Variants in PHACTR2 observed in about 807,000 individuals in gnomAD.
PHACTR2 encodes chromosome 6 open reading frame 56.
A neutral mutation model predicts 76.0 loss-of-function variants in PHACTR2; 30 were observed. The observed-to-expected ratio is 0.39, with a 90% CI of 0.30 to 0.54. The LOEUF (loss-of-function observed/expected upper bound fraction) is 0.54. Among genes scored for constraint, PHACTR2 ranks in the 20% least tolerant of loss-of-function variants. The pLI is 0.61. For missense variants in PHACTR2, 696 were observed against 781.1 expected (o/e 0.89, Z 1.30); for synonymous variants, 292 against 292.5 (o/e 1.00, Z 0.02).
intron 1 of PHACTR2, among the ~76,000 whole-genome samples, chr6:143,609,228 C>T (rs147860969): frequency 8.5e-5 from 13 of 152,280 alleles, no homozygotes; most frequent in African/African-American, 3.1e-4. Context: ...GATGGTGAAA[C>T]ATATTTGTTT....
rs1776553994 is a variant in PHACTR2, at chr6:143,827,160, A to ATG, written c.*3472_*3473insGT. Reference sequence around the variant, plus strand: ...GCGTTGGCATTAAAAAAGAAAATATATATATATATATATATATATATATAT... The same window carrying ATG: ...GCGTTGGCATTAAAAAAGAAAATATATGTATATATATATATATATATATATAT... On this transcript the variant is annotated 3_prime_UTR_variant, in exon 13 of 13. Transcript: ENST00000440869. 1 of 25,162 alleles carries ATG rather than the reference A, an allele frequency of 4.0e-5. No individual in the cohort carries two copies. The allele number at this position is 25,162 out of a possible 1,614,324, so 1.6% of individuals were successfully genotyped here.
intron 1 of PHACTR2, 150 bp from the exon 2 acceptor site, chr6:143,711,866 A>G: frequency 1.3e-6 from 1 of 782,630 alleles, no homozygotes; most frequent in Non-Finnish European, 2.3e-6. Flanking sequence ...GGGAAGTCCT[A>G]CCAGCTGTGA....
chr6:143,691,669 G>A lies in PHACTR2; in HGVS notation c.46+13460G>A, dbSNP rs372077685. Reference sequence around the variant, plus strand: ...GAATTTCAACTCGTTGCCTTTTCAAGAAGACCTCTGTGAACTTCATCTGGG... The same window carrying A: ...GAATTTCAACTCGTTGCCTTTTCAAAAAGACCTCTGTGAACTTCATCTGGG... On this transcript the variant is annotated intron_variant, in intron 1 of 12. Coordinates refer to ENST00000440869, the MANE Select transcript of PHACTR2 (RefSeq NM_001100164.2). 1.1e-4 allele frequency among the ~76,000 whole-genome samples: 16 copies of A among 152,292 alleles called. No homozygotes were observed. In the East Asian group the frequency reaches 1.2e-3, roughly 11 times the overall value.
intron 1 of PHACTR2, among the ~76,000 whole-genome samples, chr6:143,668,523 T>C (rs916962714): frequency 1.3e-5 from 2 of 152,216 alleles, no homozygotes; most frequent in Non-Finnish European, 2.9e-5. Flanking sequence ...TTTTGGTTGG[T>C]AGGCTATTAA....
intron 11 of PHACTR2, among the ~76,000 whole-genome samples, chr6:143,792,548 A>T (rs1035830801): frequency 6.6e-6 from 1 of 152,060 alleles, no homozygotes; most frequent in Non-Finnish European, 1.5e-5. Context: ...TTTATATCTT[A>T]CAGATTTTGT....
Position 143,583,357 on chromosome 6 carries a change from T to C in PHACTR2, c.217+46150T>C, listed in dbSNP as rs11965970. Among the ~76,000 whole-genome samples, 45,213 of 152,168 alleles carry C rather than the reference T, an allele frequency of 0.3. 6,811 individuals carry two copies. The highest frequency in any genetic ancestry group is 0.42 in the Middle Eastern group (123 of 294). On this transcript the variant is annotated intron_variant, in intron 1 of 11. Transcript: ENST00000367584. This position sits in a 1 kb window ranked among gnomAD's most constrained non-coding sequence, Gnocchi z 4.0. The stretch of plus-strand genomic sequence containing the variant: ...TCCTCAGATTGTTGCCCAGAACCGT[T>C]TACAATGACAATATGATCCCTTTCT...
Position 143,780,258 on chromosome 6 carries a change from G to A in PHACTR2, c.1645+2875G>A, listed in dbSNP as rs1459761799. Among the ~76,000 whole-genome samples the A allele has an allele frequency of 6.6e-6, 1 of 152,020 alleles. No individual in the cohort carries two copies. The highest frequency in any genetic ancestry group is 1.5e-5 in the Non-Finnish European group (1 of 68,008). On this transcript the variant is annotated intron_variant, in intron 9 of 12. Coordinates refer to ENST00000440869, the MANE Select transcript of PHACTR2 (RefSeq NM_001100164.2). The surrounding 1 kb of genome is among the most constrained non-coding windows in gnomAD (Gnocchi z 4.4). ...TGCTTTATGACATATCTATGCATCT[G>A]TTGATCCAGCTTTTTTTAATGCACT...
chr6:143,551,832 G>C (rs553113712), intron 1 of PHACTR2, among the ~76,000 whole-genome samples: 6 of 152,264 alleles, frequency 3.9e-5, no homozygotes, highest in East Asian at 3.9e-4. Flanking sequence ...TGTAATAATG[G>C]GGGGAGGCTA....
rs1777305969 is a variant in PHACTR2 at position 143,678,452 on chromosome 6, G to GT, written c.46+243_46+244insT. ...TTTTCTGTGCGCGATGCCTCGCTGT[G>GT]GTTTTTTATCCAAATTATTTCGGAG... is the stretch of plus-strand genomic sequence containing the variant. On this transcript the variant is annotated intron_variant, in intron 1 of 12. Transcript: ENST00000440869. This position sits in a 1 kb window ranked among gnomAD's most constrained non-coding sequence, Gnocchi z 6.2. 7.1e-6 allele frequency among the ~76,000 whole-genome samples: 1 copy of GT among 141,256 alleles called. No individual in the cohort carries two copies. The highest frequency in any genetic ancestry group is 1.6e-5 in the Non-Finnish European group (1 of 62,808). 92.7% of individuals were successfully genotyped at this position (141,256 alleles called of 152,430 possible).
chr6:143,618,518 T>G lies in PHACTR2; in HGVS notation c.13+10196T>G, dbSNP rs190417510. ...GTCATGAGCGTCACTTGAGAAGGTG[T>G]CAGTGTCAGAGGGTTTTAAACTCCA... On this transcript the variant is annotated intron_variant, in intron 1 of 11. Coordinates refer to the PHACTR2 transcript ENST00000305766. The surrounding 1 kb of genome is among the most constrained non-coding windows in gnomAD (Gnocchi z 5.2). Among the ~76,000 whole-genome samples the G allele has an allele frequency of 1.4e-4, 22 of 152,134 alleles. No homozygotes were observed. Among genetic ancestry groups the G allele is most frequent in the African/African-American group, 5.3e-4 (22 of 41,508 alleles).
chr6:143,653,879 C>G lies in PHACTR2; in HGVS notation c.13+45557C>G, dbSNP rs1562260318. On this transcript the variant is annotated intron_variant, in intron 1 of 11. Transcript: ENST00000305766. This position sits in a 1 kb window ranked among gnomAD's most constrained non-coding sequence, Gnocchi z 4.9. ...GAAACAATAATAATTTGGACATCAT[C>G]AAACTAAAAATGTTGTGGCTCAAAG... Among the ~76,000 whole-genome samples the G allele has an allele frequency of 2.0e-5, 3 of 152,068 alleles. No individual in the cohort carries two copies. The highest frequency in any genetic ancestry group is 4.4e-5 in the Non-Finnish European group (3 of 68,000).
intron 1 of PHACTR2, among the ~76,000 whole-genome samples, chr6:143,667,921 A>G (rs1445006592): frequency 6.6e-6 from 1 of 152,148 alleles, no homozygotes; most frequent in Non-Finnish European, 1.5e-5. Context: ...TACAATGTTG[A>G]ATAGGAGTGG....
chr6:143,635,099 C>T (rs1200981986), intron 1 of PHACTR2, among the ~76,000 whole-genome samples: 2 of 152,152 alleles, frequency 1.3e-5, no homozygotes, highest in Admixed American at 6.5e-5. Context: ...TTCTTGTTCT[C>T]TGCAGATGGC....
intron 12 of PHACTR2, chr6:143,810,518 G>T (rs907612382): frequency 4.4e-6 from 2 of 450,262 alleles, no homozygotes; most frequent in African/African-American, 4.0e-5. Context: ...ATTTCTATTA[G>T]ATTGGGCATC....
At chr6:143,590,414 C>CT (rs1379990543) in intron 1 of PHACTR2, among the ~76,000 whole-genome samples, 1 of 152,050 alleles carries the variant, frequency 6.6e-6, no homozygotes, top group African/African-American at 2.4e-5. Flanking sequence ...CAGAAAATGT[C>CT]TGTCAGCCTG....
chr6:143,705,396 G>A (rs1053942182), intron 1 of PHACTR2, among the ~76,000 whole-genome samples: 11 of 147,926 alleles, frequency 7.4e-5, no homozygotes, highest in Non-Finnish European at 1.6e-4. Flanking sequence ...CCGGGTTCAC[G>A]CCATTCTCCT....
intron 1 of PHACTR2, among the ~76,000 whole-genome samples, chr6:143,545,046 C>T (rs1232073046): frequency 1.3e-5 from 2 of 151,832 alleles, no homozygotes. Flanking sequence ...CATGTTCAAG[C>T]GATTCTCCCA....
chr6:143,794,842 T>C lies in PHACTR2; in HGVS notation c.1845+5932T>C, dbSNP rs1183195044. 1.3e-5 allele frequency among the ~76,000 whole-genome samples: 2 copies of C among 152,162 alleles called. No homozygotes were observed. The highest frequency in any genetic ancestry group is 2.4e-5 in the African/African-American group (1 of 41,434). ...ACAAACAAACAAAAAATGAGCTTCCTTTCAGCCTAAAGGAGACATCTTTTT... is the reference window on the plus strand; with the variant it reads ...ACAAACAAACAAAAAATGAGCTTCCCTTCAGCCTAAAGGAGACATCTTTTT... On this transcript the variant is annotated intron_variant, in intron 11 of 12. Coordinates refer to ENST00000440869, the MANE Select transcript of PHACTR2 (RefSeq NM_001100164.2). The surrounding 1 kb of genome is among the most constrained non-coding windows in gnomAD (Gnocchi z 4.1).
rs544553355 is a variant in PHACTR2, at chr6:143,662,590, G to A, written c.14-49426G>A. ...AAGTGTTTTAAACAACACTAAAAATGCATCTGTATTTTTCCCTGAATGCAA... is the reference window on the plus strand; with the variant it reads ...AAGTGTTTTAAACAACACTAAAAATACATCTGTATTTTTCCCTGAATGCAA... On this transcript the variant is annotated intron_variant, in intron 1 of 11. Transcript: ENST00000305766. The surrounding 1 kb of genome is among the most constrained non-coding windows in gnomAD (Gnocchi z 4.7). Among the ~76,000 whole-genome samples, 45 of 152,222 alleles carry A rather than the reference G, an allele frequency of 3.0e-4. No homozygotes were observed. The highest frequency in any genetic ancestry group is 1.0e-3 in the African/African-American group (42 of 41,550).
Sources: allele counts gnomAD v4.1 joint callset (sites outside exome capture counted in the v4.1 genomes callset), GRCh38; gene constraint gnomAD v4.1.1; non-coding constraint Gnocchi (gnomAD v3.1); transcripts MANE v1.5; gene names NCBI Gene and HGNC (gene_info 2026-07-23, HGNC 2026-07-21).